Variants in SRPK2 observed in about 807,000 individuals in gnomAD.
SRPK2 encodes SRSF protein kinase 2, also known as SFRS protein kinase 2.
In SRPK2, 21 loss-of-function variants were observed where a neutral mutation model predicts 90.8. The ratio of observed to expected loss-of-function variants is 0.23; its 90% CI spans 0.16 to 0.33. SRPK2 has a LOEUF of 0.33. Among genes scored for constraint, SRPK2 ranks in the 10% least tolerant of loss-of-function variants. The probability of loss-of-function intolerance (pLI) is 1.00; values close to 1 mark genes in which losing one functional copy is unlikely to be tolerated. For missense variants in SRPK2, 620 were observed against 869.0 expected (o/e 0.71, Z 3.60); for synonymous variants, 288 against 311.1 (o/e 0.93, Z 0.78).
At chr7:105,166,061 A>C (rs946094483) in intron 6 of SRPK2, among the ~76,000 whole-genome samples, 3 of 152,172 alleles carry the variant, frequency 2.0e-5, no homozygotes, top group Non-Finnish European at 4.4e-5. Context: ...ACACATTACG[A>C]CTAAGGCCAT....
intron 3 of SRPK2, among the ~76,000 whole-genome samples, chr7:105,171,948 T>G (rs372994908): frequency 1.3e-5 from 2 of 152,122 alleles, no homozygotes; most frequent in East Asian, 1.9e-4. Context: ...CAGGCTAGAG[T>G]GCACTGGCCA....
chr7:105,290,708 T>C (rs1808856981), intron 2 of SRPK2, among the ~76,000 whole-genome samples: 1 of 152,134 alleles, frequency 6.6e-6, no homozygotes, highest in South Asian at 2.1e-4. Context: ...CACACGTCTA[T>C]ACTACCAGCT....
intron 2 of SRPK2, chr7:105,268,922 G>T: frequency 6.5e-7 from 1 of 1,543,254 alleles, no homozygotes. Flanking sequence ...TTGCTTTCAA[G>T]CCTTATATCA....
At chr7:105,272,213 C>CA (rs1254225659) in intron 2 of SRPK2, among the ~76,000 whole-genome samples, 3 of 151,508 alleles carry the variant, frequency 2.0e-5, no homozygotes, top group Admixed American at 6.6e-5. Context: ...CCAGTGAGTG[C>CA]AAAAAAAAGT....
chr7:105,212,018 A>C (rs563041287), intron 2 of SRPK2, among the ~76,000 whole-genome samples: 6 of 152,262 alleles, frequency 3.9e-5, no homozygotes, highest in Non-Finnish European at 7.4e-5. Flanking sequence ...TTTCCTCATT[A>C]ATTTCCTTGT....
chr7:105,191,617 G>A (rs1794290749), intron 3 of SRPK2, among the ~76,000 whole-genome samples: 1 of 152,054 alleles, frequency 6.6e-6, no homozygotes, highest in African/African-American at 2.4e-5. Flanking sequence ...AATAAATGAT[G>A]CCCAGAAGGT....
intron 2 of SRPK2, among the ~76,000 whole-genome samples, chr7:105,351,818 AAG>A (rs562478124): frequency 9.2e-4 from 121 of 131,208 alleles, no homozygotes; most frequent in African/African-American, 4.4e-3. Context: ...AAAAAAAAAA[AAG>A]AAGAAGAAGA....
At position 105,324,007 on chromosome 7, in the gene SRPK2, GT is replaced by G. The variant is rs1813256571; in HGVS notation, c.71+64640del. ...TGTGTGTGTGTGTGTGTGTGTGTGT[GT>G]GTGTGTGTGGTGGAGTCTCACATTG... is the stretch of plus-strand genomic sequence containing the variant. On this transcript the variant is annotated intron_variant, in intron 2 of 15. Coordinates refer to ENST00000393651, the MANE Select transcript of SRPK2 (RefSeq NM_182692.3). 3.3e-4 allele frequency among the ~76,000 whole-genome samples: 50 copies of G among 149,728 alleles called. 2 individuals are homozygous for G. The South Asian group carries it at 9.6e-3, about 29-fold the overall frequency.
intron 2 of SRPK2, among the ~76,000 whole-genome samples, chr7:105,379,060 G>A (rs1421692784): frequency 6.6e-6 from 1 of 151,954 alleles, no homozygotes; most frequent in Non-Finnish European, 1.5e-5. Context: ...AGCAGCCTGA[G>A]GCAGGAGGAT....
At chr7:105,159,464 A>AAAAAAAAAAC (rs1807174541) in intron 7 of SRPK2, among the ~76,000 whole-genome samples, 74 of 141,586 alleles carry the variant, frequency 5.2e-4, no homozygotes, top group African/African-American at 2.2e-3. Context: ...AAAAAAAAAA[A>AAAAAAAAAAC]AAAAAAAAAC....
At chr7:105,335,040 A>G (rs1814927183) in intron 2 of SRPK2, among the ~76,000 whole-genome samples, 2 of 151,914 alleles carry the variant, frequency 1.3e-5, no homozygotes, top group Non-Finnish European at 2.9e-5. Flanking sequence ...GTGTGGTGGC[A>G]CATGCCTGTA....
At chr7:105,388,533 C>G in intron 2 of SRPK2, 115 bp downstream of exon 2, 1 of 887,948 alleles carries the variant, frequency 1.1e-6, no homozygotes, top group Non-Finnish European at 1.5e-6. Flanking sequence ...GCCAGCGTCC[C>G]GGGGGACCAG....
chr7:105,379,234 A>G (rs867619263), intron 2 of SRPK2, among the ~76,000 whole-genome samples: 8 of 151,946 alleles, frequency 5.3e-5, no homozygotes, highest in African/African-American at 1.9e-4. Flanking sequence ...ATGAATCAAA[A>G]ACAATCAAAA....
At position 105,240,372 on chromosome 7, in the gene SRPK2, T is replaced by C. The variant is rs73715453; in HGVS notation, c.72-36587A>G. Among the ~76,000 whole-genome samples, 522 of 152,296 alleles carry C rather than the reference T, an allele frequency of 3.4e-3. 2 individuals are homozygous for C. Among genetic ancestry groups the C allele is most frequent in the African/African-American group, 0.012 (485 of 41,556 alleles). On this transcript the variant is annotated intron_variant, in intron 2 of 15. Coordinates refer to ENST00000393651, the MANE Select transcript of SRPK2 (RefSeq NM_182692.3). The stretch of plus-strand genomic sequence containing the variant: ...ATTTTAGGGGAACATATTCAGACCA[T>C]AGCATGGTCAAAAGTAAAACTTATT...
chr7:105,331,235 G>A (rs1483282784), intron 2 of SRPK2, among the ~76,000 whole-genome samples: 4 of 143,862 alleles, frequency 2.8e-5, no homozygotes, highest in African/African-American at 7.8e-5. Flanking sequence ...CTTGAACCTC[G>A]GAGGCAGAGG....
rs869039181 is a variant in SRPK2, at chr7:105,380,947, TAAA to T, written c.71+7698_71+7700del. ...CATGACCATATTACTTTTATTACTTTAAAAAAAAAAAAAAAAAAAAAAAAAGCT... is the reference window on the plus strand; with the variant it reads ...CATGACCATATTACTTTTATTACTTTAAAAAAAAAAAAAAAAAAAAAAGCT... On this transcript the variant is annotated intron_variant, in intron 2 of 15. Coordinates refer to ENST00000393651, the MANE Select transcript of SRPK2 (RefSeq NM_182692.3). 8.3e-3 allele frequency among the ~76,000 whole-genome samples: 862 copies of T among 104,116 alleles called. 8 individuals are homozygous for T. The highest frequency in any genetic ancestry group is 0.023 in the African/African-American group (638 of 28,128). The allele number at this position is 104,116 out of a possible 152,430, so 68.3% of individuals were successfully genotyped here.
At chr7:105,300,631 T>C (rs1213145606) in intron 2 of SRPK2, among the ~76,000 whole-genome samples, 4 of 152,168 alleles carry the variant, frequency 2.6e-5, no homozygotes, top group Non-Finnish European at 4.4e-5. Flanking sequence ...AAAGGGCTAA[T>C]ATCCAGAATC....
In SRPK2 at chr7:105,150,833, G is replaced by C. The variant is rs183865108; in HGVS notation, c.622-4175C>G. Among the ~76,000 whole-genome samples, 6 of 152,298 alleles carry C rather than the reference G, an allele frequency of 3.9e-5. No individual in the cohort carries two copies. In the East Asian group the frequency reaches 1.2e-3, roughly 29 times the overall value. ...GTTTTCCAACTAAAATTGTATTTCG[G>C]TATCAAATACTATCTCAAGGTAAAA... On this transcript the variant is annotated intron_variant, in intron 7 of 15. Coordinates refer to ENST00000393651, the MANE Select transcript of SRPK2 (RefSeq NM_182692.3).
intron 2 of SRPK2, among the ~76,000 whole-genome samples, chr7:105,285,192 C>T (rs949493163): frequency 2.0e-5 from 3 of 151,842 alleles, no homozygotes; most frequent in African/African-American, 7.3e-5. Context: ...TCCAGACCAG[C>T]CTGGGCAACA....
Sources: allele counts gnomAD v4.1 joint callset (sites outside exome capture counted in the v4.1 genomes callset), GRCh38; gene constraint gnomAD v4.1.1; transcripts MANE v1.5; gene names NCBI Gene and HGNC (gene_info 2026-07-23, HGNC 2026-07-21).